Variants in DOCK3 observed in about 807,000 individuals in gnomAD.
DOCK3 encodes dedicator of cytokinesis protein 3.
Under a neutral mutation model 265.6 loss-of-function variants are expected in DOCK3, and 60 were observed. The observed-to-expected ratio is 0.23, with a 90% confidence interval of 0.18 to 0.28. The LOEUF is 0.28. Among genes scored for constraint, DOCK3 ranks in the 10% least tolerant of loss-of-function variants. DOCK3 has a pLI of 1.00. For synonymous variants in DOCK3, 881 were observed against 938.0 expected, an observed-to-expected ratio of 0.94 and a Z score of 1.11; for missense variants, 1,981 against 2,594.3, an observed-to-expected ratio of 0.76 and a Z score of 5.14.
chr3:50,850,659 TTTTC>T (rs1301664684), intron 3 of DOCK3, among the ~76,000 whole-genome samples: 1 of 152,192 alleles, frequency 6.6e-6, no homozygotes, highest in South Asian at 2.1e-4. Flanking sequence ...GATTTTTTCT[TTTTC>T]TTTCTTTCCC....
chr3:51,116,488 A>G (rs1288648377), intron 9 of DOCK3, among the ~76,000 whole-genome samples: 1 of 144,572 alleles, frequency 6.9e-6, no homozygotes, highest in East Asian at 2.0e-4. Context: ...GTTTTTTTCT[A>G]ATTCTGTGAA....
intron 5 of DOCK3, among the ~76,000 whole-genome samples, chr3:51,058,028 T>A (rs922234387): frequency 6.6e-6 from 1 of 152,202 alleles, no homozygotes; most frequent in Non-Finnish European, 1.5e-5. Flanking sequence ...GTTGGGCATT[T>A]TTCATTTAGG....
chr3:51,187,069 G>T (rs2087652293), intron 12 of DOCK3, among the ~76,000 whole-genome samples: 1 of 152,202 alleles, frequency 6.6e-6, no homozygotes, highest in South Asian at 2.1e-4. Flanking sequence ...TCCACAGACA[G>T]CTTGCACCCT....
At chr3:50,976,565 AT>A (rs1307735384) in intron 5 of DOCK3, among the ~76,000 whole-genome samples, 3 of 141,230 alleles carry the variant, frequency 2.1e-5, no homozygotes, top group African/African-American at 5.3e-5. Context: ...ACTTCCAAGT[AT>A]TTGGTCAATT....
chr3:50,736,696 CT>C (rs200155311), intron 1 of DOCK3, among the ~76,000 whole-genome samples: 16,277 of 128,194 alleles, frequency 0.13, 1,350 homozygotes, highest in East Asian at 0.29. Flanking sequence ...GCATAAATGT[CT>C]TTTTTTTTTT....
chr3:51,294,151 G>T (rs901937170), intron 27 of DOCK3, among the ~76,000 whole-genome samples: 12 of 152,164 alleles, frequency 7.9e-5, no homozygotes, highest in African/African-American at 2.7e-4. Context: ...CATGTTCATT[G>T]CAGTGTTATT....
At chr3:50,829,737 A>C (rs1183910901) in intron 2 of DOCK3, among the ~76,000 whole-genome samples, 1 of 152,194 alleles carries the variant, frequency 6.6e-6, no homozygotes, top group Non-Finnish European at 1.5e-5. Flanking sequence ...CAGGACTAGA[A>C]CCAGAAGTTC....
chr3:51,123,364 A>G (rs2084119295), intron 9 of DOCK3, among the ~76,000 whole-genome samples: 1 of 152,250 alleles, frequency 6.6e-6, no homozygotes, highest in Non-Finnish European at 1.5e-5. Context: ...GATGTAAGAC[A>G]TACAGTCTCT....
chr3:50,922,525 T>G (rs1435941818), intron 4 of DOCK3, among the ~76,000 whole-genome samples: 2 of 152,200 alleles, frequency 1.3e-5, no homozygotes, highest in Non-Finnish European at 2.9e-5. Flanking sequence ...TGCCCCGCCC[T>G]GCTTCGTGGG....
At chr3:51,230,061 C>T (rs2090482429) in intron 19 of DOCK3, among the ~76,000 whole-genome samples, 1 of 152,160 alleles carries the variant, frequency 6.6e-6, no homozygotes. Context: ...AAGATCTCTC[C>T]CATTTTAAGG....
chr3:51,249,080 C>A (rs2079006908), intron 22 of DOCK3, among the ~76,000 whole-genome samples: 1 of 151,866 alleles, frequency 6.6e-6, no homozygotes, highest in South Asian at 2.1e-4. Flanking sequence ...GCCCGGCAGC[C>A]ACCCCGTCCG....
At chr3:50,813,981 G>A (rs2043915778) in intron 2 of DOCK3, among the ~76,000 whole-genome samples, 1 of 152,130 alleles carries the variant, frequency 6.6e-6, no homozygotes, top group Non-Finnish European at 1.5e-5. Flanking sequence ...CAATGTATCT[G>A]GGTAGGGGAT....
intron 12 of DOCK3, among the ~76,000 whole-genome samples, chr3:51,181,452 A>G (rs1445772235): frequency 6.6e-6 from 1 of 151,906 alleles, no homozygotes; most frequent in Non-Finnish European, 1.5e-5. Context: ...CCATGTCCCT[A>G]CAAAGGACAT....
chr3:50,750,424 G>A (rs187726074), intron 1 of DOCK3, among the ~76,000 whole-genome samples: 154 of 149,878 alleles, frequency 1.0e-3, no homozygotes, highest in Middle Eastern at 3.4e-3. Context: ...TCCAACTCCC[G>A]GTTCAAGCTA....
At chr3:51,094,937 T>C (rs898734307) in intron 9 of DOCK3, among the ~76,000 whole-genome samples, 2 of 151,860 alleles carry the variant, frequency 1.3e-5, no homozygotes, top group Non-Finnish European at 2.9e-5. Context: ...TTCTTTGTCT[T>C]TTTTGATCTT....
At chr3:50,941,908 G>A (rs757068456) in intron 5 of DOCK3, among the ~76,000 whole-genome samples, 39 of 152,162 alleles carry the variant, frequency 2.6e-4, no homozygotes, top group Middle Eastern at 3.4e-3. Flanking sequence ...TGAGGTCAGA[G>A]TGTGACTGTT....
chr3:51,029,623 C>T (rs539064181), intron 5 of DOCK3, among the ~76,000 whole-genome samples: 5 of 152,284 alleles, frequency 3.3e-5, no homozygotes, highest in South Asian at 4.1e-4. Flanking sequence ...TGTCCCAAGG[C>T]GGGGCTTTGG....
chr3:50,815,688 T>A (rs961884065), intron 2 of DOCK3, among the ~76,000 whole-genome samples: 1 of 152,136 alleles, frequency 6.6e-6, no homozygotes, highest in Non-Finnish European at 1.5e-5. Context: ...TATTGATAAT[T>A]TCAGTGGGTA....
intron 21 of DOCK3, among the ~76,000 whole-genome samples, chr3:51,245,322 G>A (rs2078781347): frequency 6.6e-6 from 1 of 151,748 alleles, no homozygotes; most frequent in African/African-American, 2.4e-5. Flanking sequence ...GAGCGATAGA[G>A]CAAGTGTCTG....
Sources: gnomAD v4.1 joint callset for allele counts (sites outside exome capture counted in the v4.1 genomes callset) on GRCh38, gnomAD v4.1.1 for gene constraint, MANE v1.5 for transcripts, NCBI Gene and HGNC (gene_info 2026-07-23, HGNC 2026-07-21) for gene names.